MDN1: variants seen among roughly 807,000 people sequenced by gnomAD.
MDN1 encodes the protein midasin AAA ATPase 1.
Under a neutral mutation model 669.2 loss-of-function variants are expected in MDN1, and 266 were observed. The observed-to-expected ratio is 0.40, with a 90% confidence interval of 0.36 to 0.44. The LOEUF (loss-of-function observed/expected upper bound fraction) is 0.44. Among genes scored for constraint, MDN1 ranks in the 20% least tolerant of loss-of-function variants. MDN1 has a pLI of 1.00. For missense variants in MDN1, 5,940 were observed against 6,754.0 expected (o/e 0.88, Z 4.22); for synonymous variants, 2,385 against 2,457.1 (o/e 0.97, Z 0.87).
chr6:89,646,751 G>A (rs533965115), intron 99 of MDN1, 148 bp from the exon 100 acceptor site: 21 of 648,082 alleles, frequency 3.2e-5, no homozygotes, highest in African/African-American at 1.3e-4. Context: ...CCTTCTGGCC[G>A]TATGTAGTTA....
At chr6:89,708,884 G>T (rs919544132) in intron 50 of MDN1, among the ~76,000 whole-genome samples, 1 of 151,082 alleles carries the variant, frequency 6.6e-6, no homozygotes. Context: ...GGATATAAAG[G>T]TAATCCCTAC....
At chr6:89,777,451 T>TTA (rs2128323736) in intron 11 of MDN1, among the ~76,000 whole-genome samples, 1 of 152,292 alleles carries the variant, frequency 6.6e-6, no homozygotes, top group East Asian at 1.9e-4. Flanking sequence ...AGTTTATAGT[T>TTA]TAACTTGGAA....
intron 17 of MDN1, among the ~76,000 whole-genome samples, chr6:89,760,538 G>T (rs1469811551): frequency 6.6e-6 from 1 of 152,008 alleles, no homozygotes; most frequent in East Asian, 1.9e-4. Flanking sequence ...CCTGTTCATT[G>T]CACCACTATG....
chr6:89,794,665 G>T lies in MDN1; in HGVS notation c.466C>A (p.Leu156Met). 6.2e-7 allele frequency: 1 copy of T among 1,614,200 alleles called. No homozygotes were observed. The highest frequency in any genetic ancestry group is 2.2e-5 in the East Asian group (1 of 44,882). Reference protein sequence around the residue: ...RDLMEAAFKFLQQEQSVFREL... With the variant: ...RDLMEAAFKFMQQEQSVFREL... ...CGGAACACAGACTGCTCCTGCTGCA[G>T]AAACTTGAAGGCTGCTTCCATTAGG... Residue 156 changes from leucine to methionine, a missense_variant, in exon 3 of 102, where the codon CTG becomes ATG. Physicochemically the swap from Leu to Met is conservative, Grantham distance 15. Transcript: ENST00000369393.
chr6:89,679,692 C>T (rs904946751), intron 74 of MDN1, among the ~76,000 whole-genome samples: 2 of 152,196 alleles, frequency 1.3e-5, no homozygotes, highest in East Asian at 1.9e-4. Flanking sequence ...ACCTTGCTGA[C>T]ACCTTGATCT....
intron 53 of MDN1, among the ~76,000 whole-genome samples, chr6:89,704,965 A>G (rs985502085): frequency 5.9e-5 from 9 of 152,226 alleles, no homozygotes; most frequent in South Asian, 2.1e-4. Flanking sequence ...ACTACTTGTC[A>G]TTTTTGGTGT....
intron 63 of MDN1, among the ~76,000 whole-genome samples, chr6:89,691,843 A>T (rs1812397999): frequency 6.6e-6 from 1 of 151,990 alleles, no homozygotes; most frequent in Non-Finnish European, 1.5e-5. Flanking sequence ...AACCGGAGCA[A>T]CTCTTTTTTT....
At chr6:89,677,738 A>G in intron 75 of MDN1, 42 bp from the exon 76 acceptor site, 1 of 1,612,454 alleles carries the variant, frequency 6.2e-7, no homozygotes, top group Non-Finnish European at 8.5e-7. Context: ...GATGCTTAGT[A>G]GAGAATGGAT....
rs748286906 is a variant in MDN1 at position 89,738,419 on chromosome 6, A to G, written c.4630T>C (p.Trp1544Arg). 2 of 1,614,160 alleles carry G rather than the reference A, an allele frequency of 1.2e-6. No individual in the cohort carries two copies. The highest frequency in any genetic ancestry group is 1.7e-6 in the Non-Finnish European group (2 of 1,180,008). Residue 1544 changes from tryptophan (W) to arginine (R), a missense_variant, in exon 33 of 102, where the codon TGG (tryptophan) becomes CGG (arginine). Around this residue, in one of 5 missense-constraint regions of MDN1, gnomAD observed 2,292 missense variants for 2,638.3 expected, o/e 0.87. Coordinates refer to ENST00000369393, the MANE Select transcript of MDN1 (RefSeq NM_014611.3). ...TCACGGCTTGTGCTTTGAGGGCACC[A>G]TATTTCTGTAAACCGGTTTCTTAAG... ...PALRNRFTEIWCPQSTSREDL... is the reference protein window; with the variant it reads ...PALRNRFTEIRCPQSTSREDL...
chr6:89,675,392 G>T, intron 78 of MDN1, 72 bp downstream of exon 78: 1 of 1,276,212 alleles, frequency 7.8e-7, no homozygotes, highest in Non-Finnish European at 1.1e-6. Flanking sequence ...CTCCCCACAT[G>T]CAGCAACTCT....
intron 1 of MDN1, among the ~76,000 whole-genome samples, chr6:89,809,037 T>C (rs1417372305): frequency 6.7e-6 from 1 of 150,036 alleles, no homozygotes; most frequent in Admixed American, 6.7e-5. Context: ...AGAAACATGC[T>C]GAAACCCCAT....
intron 8 of MDN1, among the ~76,000 whole-genome samples, chr6:89,786,464 A>G (rs2128325650): frequency 6.6e-6 from 1 of 152,042 alleles, no homozygotes; most frequent in Middle Eastern, 3.4e-3. Context: ...GTTTTTAGCC[A>G]GGCATGGTGG....
chr6:89,795,085 C>A (rs767101677), intron 2 of MDN1, among the ~76,000 whole-genome samples: 11 of 152,112 alleles, frequency 7.2e-5, no homozygotes, highest in Admixed American at 3.9e-4. Flanking sequence ...GGAACCAGGA[C>A]AATGGCATGA....
chr6:89,719,065 T>C lies in MDN1; in HGVS notation c.6058-35A>G, dbSNP rs773347829. 8 of 1,613,672 alleles carry C rather than the reference T, an allele frequency of 5.0e-6. No individual in the cohort carries two copies. The Admixed American group carries it at 1.2e-4, about 24-fold the overall frequency. On this transcript the variant is annotated intron_variant, in intron 41 of 101. Coordinates refer to ENST00000369393, the MANE Select transcript of MDN1 (RefSeq NM_014611.3). ...CATGCCAGTGAGATTTCCATAAGCG[T>C]GCCTGGTAGTGGGAGCAGAAGAAAC... is the stretch of plus-strand genomic sequence containing the variant.
At chr6:89,748,868 G>A (rs573557517) in intron 26 of MDN1, among the ~76,000 whole-genome samples, 62 of 149,744 alleles carry the variant, frequency 4.1e-4, no homozygotes, top group Non-Finnish European at 7.5e-4. Flanking sequence ...GAGACCAGCC[G>A]GGGCAACATG....
Position 89,691,540 on chromosome 6 carries a change from G to GT in MDN1, c.10588-707dup, listed in dbSNP as rs768202168. ...TTACTGTGGCATTGGGTTGGTTTTT[G>GT]TTTTTTTTTGTTTTTTTGGCAAAAC... On this transcript the variant is annotated intron_variant, in intron 63 of 101. Coordinates refer to ENST00000369393, the MANE Select transcript of MDN1 (RefSeq NM_014611.3). Among the ~76,000 whole-genome samples, 164 of 150,188 alleles carry GT rather than the reference G, an allele frequency of 1.1e-3. 1 individual carries two copies. Among genetic ancestry groups the GT allele is most frequent in the African/African-American group, 2.5e-3 (103 of 40,926 alleles).
chr6:89,770,301 G>C (rs1818017022), intron 15 of MDN1, among the ~76,000 whole-genome samples: 1 of 151,242 alleles, frequency 6.6e-6, no homozygotes, highest in African/African-American at 2.4e-5. Flanking sequence ...CTACTCAGGA[G>C]ACTGAGGCAG....
intron 15 of MDN1, among the ~76,000 whole-genome samples, chr6:89,770,903 A>G (rs186657750): frequency 8.5e-4 from 129 of 152,300 alleles, no homozygotes; most frequent in African/African-American, 2.9e-3. Flanking sequence ...ACCTTTGAGA[A>G]CAAGGGCCTC....
At chr6:89,653,267 T>G (rs1809007414) in intron 93 of MDN1, 112 bp from the exon 94 acceptor site, 2 of 1,020,992 alleles carry the variant, frequency 2.0e-6, no homozygotes, top group Non-Finnish European at 2.8e-6. Context: ...TCATTCACTC[T>G]CCAACACATT....
Sources: allele counts gnomAD v4.1 joint callset (sites outside exome capture counted in the v4.1 genomes callset), GRCh38; gene constraint gnomAD v4.1.1; regional missense constraint gnomAD v4.1.1; transcripts MANE v1.5; gene names NCBI Gene and HGNC (gene_info 2026-07-23, HGNC 2026-07-21).